PRKCH: variants seen among roughly 807,000 people sequenced by gnomAD.
PRKCH encodes protein kinase C eta type.
In PRKCH, 28 loss-of-function variants were observed where a neutral mutation model predicts 82.5. That is an observed-to-expected ratio of 0.34 (90% CI 0.25 to 0.47). PRKCH has a LOEUF of 0.47. PRKCH is among the 20% of genes least tolerant of loss of function. PRKCH has a pLI of 1.00. For synonymous variants in PRKCH, 322 were observed against 327.4 expected (o/e 0.98, Z 0.18); for missense variants, 705 against 881.8 (o/e 0.80, Z 2.54).
intron 1 of PRKCH, among the ~76,000 whole-genome samples, chr14:61,202,790 C>T (rs1254881894): frequency 2.0e-5 from 3 of 152,070 alleles, no homozygotes; most frequent in Non-Finnish European, 2.9e-5. Context: ...TATCCTCACG[C>T]CCTCCTCCCC....
intron 10 of PRKCH, among the ~76,000 whole-genome samples, chr14:61,522,913 T>TC (rs1481155497): frequency 6.6e-6 from 1 of 152,252 alleles, no homozygotes; most frequent in African/African-American, 2.4e-5. Flanking sequence ...TAACTCACGA[T>TC]GAAACCAAAT....
At chr14:61,355,888 A>G (rs1400709461) in intron 1 of PRKCH, among the ~76,000 whole-genome samples, 2 of 152,316 alleles carry the variant, frequency 1.3e-5, no homozygotes, top group African/African-American at 4.8e-5. Flanking sequence ...AGAGGCAGCA[A>G]CGTCAGGCCC....
intron 10 of PRKCH, among the ~76,000 whole-genome samples, chr14:61,518,266 C>A (rs1257507223): frequency 2.0e-5 from 3 of 152,046 alleles, no homozygotes; most frequent in Non-Finnish European, 4.4e-5. Context: ...TAAGCTGACC[C>A]GCTGCCAGGT....
chr14:61,323,274 A>T (rs2045654675), intron 1 of PRKCH, among the ~76,000 whole-genome samples: 1 of 152,186 alleles, frequency 6.6e-6, no homozygotes, highest in Admixed American at 6.5e-5. Context: ...CCCAGGAGGC[A>T]TAATTTCTGC....
chr14:61,231,362 A>ATT (rs10656204), intron 1 of PRKCH, among the ~76,000 whole-genome samples: 97,489 of 128,486 alleles, frequency 0.76, 39,825 homozygotes, highest in Non-Finnish European at 0.89. Flanking sequence ...ATCCAGATGA[A>ATT]TTTTTTTTTT....
Position 61,457,630 on chromosome 14 carries a change from C to T in PRKCH, c.1229C>T (p.Ala410Val). The change falls in exon 9 of 14, where the codon GCC (alanine) becomes GTC (valine). Residue 410 changes from alanine to valine, a missense_variant. Ala to Val is a moderately conservative substitution (Grantham distance 64, BLOSUM62 0). Coordinates refer to ENST00000332981, the MANE Select transcript of PRKCH (RefSeq NM_006255.5). ...ACCGAGAAAAGGATCCTGTCTCTGG[C>T]CCGCAATCACCCCTTCCTCACTCAG... ...TMTEKRILSL[A>V]RNHPFLTQLF... 1 of 1,614,134 alleles carries T rather than the reference C, an allele frequency of 6.2e-7. No individual in the cohort carries two copies. Among genetic ancestry groups the T allele is most frequent in the Non-Finnish European group, 8.5e-7 (1 of 1,180,018 alleles).
At chr14:61,354,404 TTGTGTGTGTGTGTGTGTG>T (rs3028729) in intron 1 of PRKCH, among the ~76,000 whole-genome samples, 1 of 148,342 alleles carries the variant, frequency 6.7e-6, no homozygotes, top group African/African-American at 2.5e-5. Flanking sequence ...CTGTTTCTAT[TTGTGTGTGTGTGTGTGTG>T]TGTGTGTGTG....
At chr14:61,202,332 G>C (rs574690521) in intron 1 of PRKCH, among the ~76,000 whole-genome samples, 2 of 152,172 alleles carry the variant, frequency 1.3e-5, no homozygotes, top group Non-Finnish European at 1.5e-5. Flanking sequence ...TTCCTCTTCC[G>C]GTCTGTGTCT....
At chr14:61,250,153 G>A (rs984609725) in intron 1 of PRKCH, among the ~76,000 whole-genome samples, 1 of 150,828 alleles carries the variant, frequency 6.6e-6, no homozygotes. Flanking sequence ...CCAACTATTC[G>A]GGAAGCTGAG....
At chr14:61,324,909 G>A (rs1416199005) in intron 1 of PRKCH, among the ~76,000 whole-genome samples, 1 of 152,000 alleles carries the variant, frequency 6.6e-6, no homozygotes, top group Non-Finnish European at 1.5e-5. Context: ...ACAGATTACT[G>A]ACTTAAAAAA....
chr14:61,321,836 G>T lies in PRKCH; in HGVS notation c.-266G>T, dbSNP rs552062146. The T allele has an allele frequency of 1.3e-4, 46 of 364,692 alleles. No homozygotes were observed. Among genetic ancestry groups the T allele is most frequent in the Middle Eastern group, 8.1e-4 (1 of 1,230 alleles). The allele number at this position is 364,692 out of a possible 1,614,324, so 22.6% of individuals were successfully genotyped here. ...CGCGAGTCCCCGGGAGGCGCCGCGC[G>T]CTTGGAAGGGACGGTCGGGCTTCCC... is the stretch of plus-strand genomic sequence containing the variant. On this transcript the variant is annotated 5_prime_UTR_variant, in exon 1 of 14. Coordinates refer to ENST00000332981, the MANE Select transcript of PRKCH (RefSeq NM_006255.5). This position sits in a 1 kb window ranked among gnomAD's most constrained non-coding sequence, Gnocchi z 4.1.
At chr14:61,323,102 C>G (rs1160628940) in intron 1 of PRKCH, among the ~76,000 whole-genome samples, 2 of 152,036 alleles carry the variant, frequency 1.3e-5, no homozygotes, top group Non-Finnish European at 1.5e-5. Context: ...AGGTGGGAGT[C>G]CTGCAGTGTG....
intron 1 of PRKCH, among the ~76,000 whole-genome samples, chr14:61,328,901 A>T (rs1297829024): frequency 6.6e-6 from 1 of 151,694 alleles, no homozygotes; most frequent in Non-Finnish European, 1.5e-5. Context: ...TGGGAGGATC[A>T]CTTGAGCCTG....
chr14:61,531,461 C>T (rs1474538399), intron 12 of PRKCH, among the ~76,000 whole-genome samples: 1 of 152,128 alleles, frequency 6.6e-6, no homozygotes, highest in Non-Finnish European at 1.5e-5. Context: ...GAGACAAAAG[C>T]AAAATGTGGG....
chr14:61,517,218 G>A (rs1189192565), intron 10 of PRKCH, among the ~76,000 whole-genome samples: 5 of 152,020 alleles, frequency 3.3e-5, no homozygotes, highest in East Asian at 1.9e-4. Context: ...CTTTCCTGTC[G>A]TAAAGCATTC....
intron 10 of PRKCH, among the ~76,000 whole-genome samples, chr14:61,501,128 A>G (rs1886887625): frequency 6.6e-6 from 1 of 152,234 alleles, no homozygotes; most frequent in South Asian, 2.1e-4. Flanking sequence ...AGTACTATCC[A>G]TTCCATGGAG....
At chr14:61,372,419 G>T (rs1208962669) in intron 1 of PRKCH, among the ~76,000 whole-genome samples, 2 of 151,992 alleles carry the variant, frequency 1.3e-5, no homozygotes, top group Non-Finnish European at 2.9e-5. Context: ...TTTCAACTCC[G>T]ATACAGTGTT....
chr14:61,420,189 G>A (rs1475599088), intron 2 of PRKCH, among the ~76,000 whole-genome samples: 1 of 152,154 alleles, frequency 6.6e-6, no homozygotes. Flanking sequence ...GTACGTGTGT[G>A]TGTGCGTGTA....
Position 61,420,507 on chromosome 14 carries a change from C to A in PRKCH, c.428-22604C>A, listed in dbSNP as rs757577330. 3.3e-5 allele frequency among the ~76,000 whole-genome samples: 5 copies of A among 152,236 alleles called. No homozygotes were observed. The East Asian group carries it at 7.7e-4, about 23-fold the overall frequency. On this transcript the variant is annotated intron_variant, in intron 2 of 13. Coordinates refer to ENST00000332981, the MANE Select transcript of PRKCH (RefSeq NM_006255.5). ...GCTGCCAGAGGGTCTCAGCTTCAGT[C>A]TGTCTCCCCGGCAGACTCATCCTAA...
Sources: allele counts gnomAD v4.1 joint callset (sites outside exome capture counted in the v4.1 genomes callset), GRCh38; gene constraint gnomAD v4.1.1; non-coding constraint Gnocchi (gnomAD v3.1); transcripts MANE v1.5; gene names NCBI Gene and HGNC (gene_info 2026-07-23, HGNC 2026-07-21).